SEMA3D: variants seen among roughly 807,000 people sequenced by gnomAD.
SEMA3D encodes the protein semaphorin-3D.
In SEMA3D, 84 loss-of-function variants were observed where a neutral mutation model predicts 100.1. That is an observed-to-expected ratio of 0.84 (90% CI 0.70 to 1.01). The LOEUF is 1.01. SEMA3D is among the 50% of genes least tolerant of loss of function. The probability of loss-of-function intolerance (pLI) is 0.00; values close to 1 mark genes in which losing one functional copy is unlikely to be tolerated. For synonymous variants in SEMA3D, 312 were observed against 320.7 expected, an observed-to-expected ratio of 0.97 and a Z score of 0.29; for missense variants, 875 against 934.1, an observed-to-expected ratio of 0.94 and a Z score of 0.82.
At chr7:85,218,047 C>T in the SEMA3D span, among the ~76,000 whole-genome samples, 34 of 151,950 alleles carry the variant, frequency 2.2e-4, no homozygotes, top group Admixed American at 6.6e-5. Context: ...TGGTCATGGC[C>T]GAGTGCCTGA....
In SEMA3D at chr7:85,127,851, C is replaced by T. The variant is rs898887877; in HGVS notation, c.-40-5920G>A. Reference sequence around the variant, plus strand: ...TTTCCTTTTCAAATTCTTATACCCTCGGGAGCATTTTAACTCATACAACTT... The same window carrying T: ...TTTCCTTTTCAAATTCTTATACCCTTGGGAGCATTTTAACTCATACAACTT... On this transcript the variant is annotated intron_variant, in intron 2 of 18. Transcript: ENST00000284136. Among the ~76,000 whole-genome samples, 13 of 152,198 alleles carry T rather than the reference C, an allele frequency of 8.5e-5. 2 individuals are homozygous for T. Among genetic ancestry groups the T allele is most frequent in the Admixed American group, 5.9e-4 (9 of 15,280 alleles).
Position 84,998,017 on chromosome 7 carries a change from C to T in SEMA3D, c.*1423G>A, listed in dbSNP as rs903869201. The T allele has an allele frequency of 6.6e-6, 1 of 152,110 alleles. No individual in the cohort carries two copies. The highest frequency in any genetic ancestry group is 2.4e-5 in the African/African-American group (1 of 41,440). The allele number at this position is 152,110 out of a possible 1,614,324, so 9.4% of individuals were successfully genotyped here. ...TGAGTTTGGTTCTTTTTACATGTAG[C>T]AGGCTTATTTATTGTTAAATTACAA... On this transcript the variant is annotated 3_prime_UTR_variant, in exon 19 of 19. Coordinates refer to ENST00000284136, the MANE Select transcript of SEMA3D (RefSeq NM_001384900.1).
At chr7:85,151,094 A>T (rs1046099932) in intron 2 of SEMA3D, among the ~76,000 whole-genome samples, 2 of 22,264 alleles carry the variant, frequency 9.0e-5, no homozygotes, top group African/African-American at 5.2e-4. Context: ...AAAAAAATCC[A>T]CACACACACA....
intron 1 of SEMA3D, among the ~76,000 whole-genome samples, chr7:85,182,766 A>T (rs556083490): frequency 1.3e-5 from 2 of 152,254 alleles, no homozygotes; most frequent in African/African-American, 4.8e-5. Context: ...TGTTATTATG[A>T]CTTATTCCAC....
chr7:85,239,184 C>T, the SEMA3D span, among the ~76,000 whole-genome samples: 2 of 152,034 alleles, frequency 1.3e-5, no homozygotes, highest in Admixed American at 6.6e-5. Context: ...GTATGTGTTA[C>T]GGTTTAAATG....
intron 3 of SEMA3D, among the ~76,000 whole-genome samples, chr7:85,118,620 T>A (rs1484802424): frequency 6.6e-6 from 1 of 152,144 alleles, no homozygotes; most frequent in Non-Finnish European, 1.5e-5. Context: ...GCTCTTATAA[T>A]GTGACCCTTG....
At chr7:85,243,272 A>G in the SEMA3D span, among the ~76,000 whole-genome samples, 2 of 152,212 alleles carry the variant, frequency 1.3e-5, no homozygotes, top group Admixed American at 1.3e-4. Flanking sequence ...CTGGAACCAC[A>G]AAACTTTTTT....
chr7:85,090,982 T>C (rs1788370526), intron 4 of SEMA3D, among the ~76,000 whole-genome samples: 1 of 140,406 alleles, frequency 7.1e-6, no homozygotes, highest in South Asian at 2.2e-4. Context: ...TACAATTACA[T>C]GCAAAAAGAA....
At chr7:85,089,362 C>T (rs1374162008) in intron 4 of SEMA3D, among the ~76,000 whole-genome samples, 1 of 152,096 alleles carries the variant, frequency 6.6e-6, no homozygotes. Context: ...TATCATCTCC[C>T]CAGAAAGGTC....
chr7:85,179,107 A>G (rs1443616320), intron 1 of SEMA3D, among the ~76,000 whole-genome samples: 1 of 152,236 alleles, frequency 6.6e-6, no homozygotes, highest in African/African-American at 2.4e-5. Context: ...GCAGGAGAAG[A>G]GCCCTCATGG....
chr7:85,024,874 C>T (rs1414074427), intron 12 of SEMA3D, among the ~76,000 whole-genome samples: 2 of 151,918 alleles, frequency 1.3e-5, no homozygotes, highest in Middle Eastern at 3.2e-3. Flanking sequence ...AGCTGTGCTG[C>T]ACACAGATCT....
chr7:85,160,484 A>G (rs186417073), intron 1 of SEMA3D, among the ~76,000 whole-genome samples: 1 of 152,298 alleles, frequency 6.6e-6, no homozygotes, highest in East Asian at 1.9e-4. Context: ...CGATGGAAAA[A>G]GAATTAGCCA....
the SEMA3D span, among the ~76,000 whole-genome samples, chr7:85,202,069 T>G: frequency 6.6e-6 from 1 of 151,688 alleles, no homozygotes; most frequent in Non-Finnish European, 1.5e-5. Flanking sequence ...TTATTTTTTA[T>G]TATTATACTT....
At chr7:85,084,789 C>G (rs753573881) in intron 4 of SEMA3D, among the ~76,000 whole-genome samples, 1 of 152,084 alleles carries the variant, frequency 6.6e-6, no homozygotes, top group African/African-American at 2.4e-5. Context: ...AATGTCCCAC[C>G]GTGTGTTGTT....
intron 2 of SEMA3D, chr7:85,144,749 G>A: frequency 4.0e-6 from 3 of 757,122 alleles, no homozygotes; most frequent in Non-Finnish European, 4.8e-6. Flanking sequence ...TCTGAATGGT[G>A]TAAAGCAAAT....
chr7:85,058,335 G>A (rs1019806038), intron 8 of SEMA3D, among the ~76,000 whole-genome samples: 4 of 151,874 alleles, frequency 2.6e-5, no homozygotes, highest in African/African-American at 7.3e-5. Context: ...CCCCTGCCCC[G>A]GCCCTCTTTC....
chr7:85,013,916 T>C lies in SEMA3D; in HGVS notation c.1704-1070A>G, dbSNP rs77089102. ...ATTACCAACTAATGAGCATTCTTGT[T>C]TTTCAGCTTCTAGGAAAGCATTCCC... On this transcript the variant is annotated intron_variant, in intron 16 of 18. Transcript: ENST00000284136. 4.2e-3 allele frequency among the ~76,000 whole-genome samples: 641 copies of C among 151,872 alleles called. 10 individuals are homozygous for C. In the East Asian group the frequency reaches 0.044, roughly 10 times the overall value.
intron 2 of SEMA3D, among the ~76,000 whole-genome samples, chr7:85,129,744 A>G (rs571917633): frequency 6.6e-6 from 1 of 152,262 alleles, no homozygotes; most frequent in South Asian, 2.1e-4. Flanking sequence ...CTGTAGGACA[A>G]TATAAGGATT....
At chr7:85,212,539 A>C in the SEMA3D span, among the ~76,000 whole-genome samples, 1 of 150,970 alleles carries the variant, frequency 6.6e-6, no homozygotes, top group Non-Finnish European at 1.5e-5. Context: ...ATATCGACTC[A>C]GATTAAAAAA....
Sources: allele counts gnomAD v4.1 joint callset (sites outside exome capture counted in the v4.1 genomes callset), GRCh38; gene constraint gnomAD v4.1.1; transcripts MANE v1.5; gene names NCBI Gene and HGNC (gene_info 2026-07-23, HGNC 2026-07-21).